Variants in TIAM2 observed in about 807,000 individuals in gnomAD.
The protein encoded by TIAM2 is TIAM Rac1 associated GEF 2.
Under a neutral mutation model 152.9 loss-of-function variants are expected in TIAM2, and 80 were observed. That is an observed-to-expected ratio of 0.52 (90% CI 0.44 to 0.63). TIAM2 has a LOEUF of 0.63. Among genes scored for constraint, TIAM2 ranks in the 30% least tolerant of loss-of-function variants. The probability of loss-of-function intolerance (pLI) is 0.00; values close to 1 mark genes in which losing one functional copy is unlikely to be tolerated. For missense variants in TIAM2, 1,965 were observed against 2,120.1 expected, an observed-to-expected ratio of 0.93 and a Z score of 1.44; for synonymous variants, 804 against 838.0, an observed-to-expected ratio of 0.96 and a Z score of 0.70.
Position 155,183,453 on chromosome 6 carries a change from A to G in TIAM2, c.3017A>G (p.Gln1006Arg). The G allele has an allele frequency of 6.2e-7, 1 of 1,613,930 alleles. No homozygotes were observed. The change falls in exon 14 of 27, where the codon CAA (glutamine) becomes CGA (arginine). Residue 1006 changes from glutamine to arginine, a missense_variant. Physicochemically the swap from Gln to Arg is conservative, Grantham distance 43 (BLOSUM62 1). Around this residue, in one of 3 missense-constraint regions of TIAM2, gnomAD observed 935 missense variants for 980.0 expected, o/e 0.95. Coordinates refer to ENST00000682666, the MANE Select transcript of TIAM2 (RefSeq NM_012454.4). Reference protein sequence around the residue: ...KSLLPPPNQSQLLEEFLDNFK... With the variant: ...KSLLPPPNQSRLLEEFLDNFK... ...CTGCTGCCCCCTCCTAACCAGTCCC[A>G]ACTGCTGGAGGAATTCCTGGATAAC...
intron 19 of TIAM2, 38 bp downstream of exon 19, chr6:155,245,769 T>TTTTTG: frequency 1.4e-6 from 2 of 1,440,494 alleles, no homozygotes; most frequent in Non-Finnish European, 1.9e-6. Context: ...TTTTTTTTTT[T>TTTTTG]TGCATTTTTA....
At chr6:155,146,286 C>T (rs969914018) in intron 6 of TIAM2, among the ~76,000 whole-genome samples, 5 of 152,094 alleles carry the variant, frequency 3.3e-5, no homozygotes, top group Non-Finnish European at 7.4e-5. Context: ...GAGGCTGAGG[C>T]TTGAGGATCA....
chr6:155,251,858 G>A lies in TIAM2; in HGVS notation c.4061-87G>A, dbSNP rs1350547667. ...TTAGAGACTCATACGTTTGGAGAGT[G>A]TTACTCTGTTAAGACGTTCAGCTCT... On this transcript the variant is annotated intron_variant, in intron 22 of 26. Coordinates refer to ENST00000682666, the MANE Select transcript of TIAM2 (RefSeq NM_012454.4). 9 of 1,032,636 alleles carry A rather than the reference G, an allele frequency of 8.7e-6. No individual in the cohort carries two copies. In the African/African-American group the frequency reaches 1.3e-4, roughly 15 times the overall value. 64.0% of individuals were successfully genotyped at this position (1,032,636 alleles called of 1,614,324 possible).
At chr6:155,004,602 G>A (rs1259692334) in intron 1 of TIAM2, among the ~76,000 whole-genome samples, 3 of 151,932 alleles carry the variant, frequency 2.0e-5, no homozygotes, top group Admixed American at 6.6e-5. Context: ...CACCGTGTTA[G>A]CGAGGATGGC....
chr6:155,163,474 C>A (rs1780327745), intron 7 of TIAM2, among the ~76,000 whole-genome samples: 1 of 152,090 alleles, frequency 6.6e-6, no homozygotes, highest in Admixed American at 6.6e-5. Context: ...ATTTCTTTAC[C>A]AACTCATGAC....
At chr6:155,240,497 G>A (rs756534156) in intron 15 of TIAM2, 33 bp from the exon 16 acceptor site, 14 of 1,577,598 alleles carry the variant, frequency 8.9e-6, no homozygotes, top group Admixed American at 6.8e-5. Context: ...GGAGAGGCCC[G>A]TGCATTATTT....
At chr6:155,229,878 A>G (rs1782388007) in intron 15 of TIAM2, among the ~76,000 whole-genome samples, 1 of 152,140 alleles carries the variant, frequency 6.6e-6, no homozygotes, top group Non-Finnish European at 1.5e-5. Flanking sequence ...GAGCGTGTGC[A>G]GGGGAACTGC....
chr6:155,205,944 C>A (rs915758226), intron 14 of TIAM2, among the ~76,000 whole-genome samples: 2 of 152,214 alleles, frequency 1.3e-5, no homozygotes, highest in Admixed American at 1.3e-4. Flanking sequence ...GTGGGTGAGA[C>A]AACCTTAACT....
At chr6:155,029,955 G>A (rs1238002449) in intron 1 of TIAM2, among the ~76,000 whole-genome samples, 2 of 151,538 alleles carry the variant, frequency 1.3e-5, no homozygotes, top group Non-Finnish European at 2.9e-5. Flanking sequence ...ACTATGCCTG[G>A]CTAATTTTTG....
chr6:154,998,428 AG>A (rs1778257783), intron 1 of TIAM2, among the ~76,000 whole-genome samples: 1 of 152,176 alleles, frequency 6.6e-6, no homozygotes, highest in African/African-American at 2.4e-5. Context: ...TTAATATCAC[AG>A]TTTTATGCAT....
chr6:155,095,531 A>G (rs1778400534), intron 2 of TIAM2, among the ~76,000 whole-genome samples: 1 of 152,212 alleles, frequency 6.6e-6, no homozygotes, highest in Non-Finnish European at 1.5e-5. Context: ...GTTCTCATCT[A>G]TCAACTGGTT....
chr6:155,177,321 A>G (rs1171865716), intron 10 of TIAM2, among the ~76,000 whole-genome samples: 3 of 152,204 alleles, frequency 2.0e-5, no homozygotes, highest in Non-Finnish European at 4.4e-5. Context: ...GGCGGCATAA[A>G]CTTTGAGGTA....
intron 8 of TIAM2, 77 bp from the exon 9 acceptor site, chr6:155,165,186 A>C: frequency 1.1e-5 from 16 of 1,422,610 alleles, no homozygotes; most frequent in African/African-American, 1.4e-5. Context: ...TATAGCAAGC[A>C]GAGCTCACTT....
At chr6:155,228,038 G>T (rs1406305520) in intron 15 of TIAM2, among the ~76,000 whole-genome samples, 2 of 152,198 alleles carry the variant, frequency 1.3e-5, no homozygotes, top group Admixed American at 1.3e-4. Context: ...AACCCACATG[G>T]ATTACAACTA....
rs555874947 is a variant in TIAM2 at position 155,090,106 on chromosome 6, A to T, written c.-208-183A>T. 2.6e-5 allele frequency among the ~76,000 whole-genome samples: 4 copies of T among 152,310 alleles called. No individual in the cohort carries two copies. The East Asian group carries it at 7.7e-4, about 29-fold the overall frequency. On this transcript the variant is annotated intron_variant, in intron 1 of 26. Transcript: ENST00000682666. ...CAGTAAATCTGCTTCTCCAGTTAGG[A>T]TGTGGGAAGACCTTTTTTCCTTTAT...
In TIAM2 at chr6:155,130,259, G is replaced by A; in HGVS notation, c.1036G>A (p.Ala346Thr). 6 of 1,614,148 alleles carry A rather than the reference G, an allele frequency of 3.7e-6. No individual in the cohort carries two copies. Among genetic ancestry groups the A allele is most frequent in the Non-Finnish European group, 5.1e-6 (6 of 1,180,026 alleles). Residue 346 changes from alanine (A) to threonine (T), a missense_variant, in exon 4 of 27, where the codon GCA (alanine) becomes ACA (threonine). By Grantham distance (58) the Ala-to-Thr change is moderately conservative. Around this residue, in one of 3 missense-constraint regions of TIAM2, gnomAD observed 1,025 missense variants for 1,119.4 expected, o/e 0.92. Coordinates refer to ENST00000682666, the MANE Select transcript of TIAM2 (RefSeq NM_012454.4). ...ASDIDVPSRV[A>T]HGDPIQYSSF... Reference sequence around the variant, plus strand: ...CGACATTGATGTGCCCTCCAGAGTGGCACACGGGGACCCCATCCAGTACAG... The same window carrying A: ...CGACATTGATGTGCCCTCCAGAGTGACACACGGGGACCCCATCCAGTACAG...
intron 15 of TIAM2, among the ~76,000 whole-genome samples, chr6:155,225,759 T>G (rs1782219525): frequency 6.6e-6 from 1 of 151,222 alleles, no homozygotes; most frequent in Admixed American, 6.6e-5. Context: ...AGTGGTAAAG[T>G]CTCAGATAAA....
chr6:155,067,732 C>T (rs1489519925), intron 1 of TIAM2, among the ~76,000 whole-genome samples: 3 of 152,124 alleles, frequency 2.0e-5, no homozygotes, highest in African/African-American at 7.2e-5. Flanking sequence ...CCTCCACCTC[C>T]CTGGCTCAGG....
chr6:155,045,840 C>CTTTTTTTTTTTTTT (rs11354850), intron 1 of TIAM2, among the ~76,000 whole-genome samples: 283 of 60,304 alleles, frequency 4.7e-3, no homozygotes, highest in Non-Finnish European at 5.8e-3. Context: ...ATAGTGCCCT[C>CTTTTTTTTTTTTTT]TTTTTTTTTT....
Sources: gnomAD v4.1 joint callset for allele counts (sites outside exome capture counted in the v4.1 genomes callset) on GRCh38, gnomAD v4.1.1 for gene constraint, gnomAD v4.1.1 regional missense constraint, MANE v1.5 for transcripts, NCBI Gene and HGNC (gene_info 2026-07-23, HGNC 2026-07-21) for gene names.